UGT1A7: variants seen among roughly 807,000 people sequenced by gnomAD.
The protein encoded by UGT1A7 is UDP glucuronosyltransferase family 1 member A7.
UGT1A7 carries 33 observed loss-of-function variants against 45.6 expected under a neutral mutation model. That is an observed-to-expected ratio of 0.72 (90% CI 0.55 to 0.97). The LOEUF (loss-of-function observed/expected upper bound fraction) is 0.97. Ranked by LOEUF, UGT1A7 falls within the 50% of genes least tolerant of loss-of-function variation. The pLI, the probability that UGT1A7 is intolerant of heterozygous loss-of-function variation, is 0.00. For synonymous variants in UGT1A7, 274 were observed against 250.6 expected (o/e 1.09, Z -0.88); for missense variants, 684 against 666.2 (o/e 1.03, Z -0.29).
At chr2:233,711,093 T>G (rs1463898201) in intron 1 of UGT1A7, among the ~76,000 whole-genome samples, 1 of 152,198 alleles carries the variant, frequency 6.6e-6, no homozygotes, top group African/African-American at 2.4e-5. Context: ...AGTCTATCTG[T>G]GCAGCCCAGA....
chr2:233,693,118 C>G, intron 1 of UGT1A7: 1 of 1,614,176 alleles, frequency 6.2e-7, no homozygotes, highest in Non-Finnish European at 8.5e-7. Context: ...ACGGAAGCCA[C>G]TGGCTTAGTA....
intron 1 of UGT1A7, among the ~76,000 whole-genome samples, chr2:233,746,869 C>T (rs769029902): frequency 3.3e-5 from 5 of 151,744 alleles, no homozygotes; most frequent in African/African-American, 4.9e-5. Flanking sequence ...GCCTGATAAA[C>T]GTGGTTAACA....
At chr2:233,763,733 T>C (rs528064995) in intron 1 of UGT1A7, among the ~76,000 whole-genome samples, 4 of 152,330 alleles carry the variant, frequency 2.6e-5, no homozygotes, top group South Asian at 4.1e-4. Flanking sequence ...CAACCTGGCA[T>C]TGGCGTGTCT....
At chr2:233,751,042 C>T (rs1694623923) in intron 1 of UGT1A7, among the ~76,000 whole-genome samples, 1 of 151,808 alleles carries the variant, frequency 6.6e-6, no homozygotes, top group South Asian at 2.1e-4. Flanking sequence ...CACTGTGTGC[C>T]TGGAAAAGAC....
At chr2:233,725,270 A>AGAGGCAGAG (rs2077418450) in intron 1 of UGT1A7, among the ~76,000 whole-genome samples, 1 of 37,556 alleles carries the variant, frequency 2.7e-5, no homozygotes, top group Non-Finnish European at 5.1e-5. Flanking sequence ...CAGAGGAGGC[A>AGAGGCAGAG]GAGGCAGAGG....
At chr2:233,767,302 A>G (rs951994488) in intron 2 of UGT1A7, 137 bp downstream of exon 2, 1 of 1,534,820 alleles carries the variant, frequency 6.5e-7, no homozygotes, top group African/African-American at 1.4e-5. Context: ...TATTAATCCA[A>G]AGGTTTTTTT....
chr2:233,745,211 C>T (rs1428887927), intron 1 of UGT1A7, among the ~76,000 whole-genome samples: 1 of 151,804 alleles, frequency 6.6e-6, no homozygotes, highest in African/African-American at 2.4e-5. Flanking sequence ...GAGATCCTCT[C>T]AGACAAAAGG....
intron 1 of UGT1A7, among the ~76,000 whole-genome samples, chr2:233,726,499 G>A (rs2077536010): frequency 6.6e-6 from 1 of 151,996 alleles, no homozygotes; most frequent in Non-Finnish European, 1.5e-5. Context: ...TATTAATTTT[G>A]GAATTTCATG....
At chr2:233,695,741 A>G (rs749917184) in intron 1 of UGT1A7, among the ~76,000 whole-genome samples, 6 of 152,186 alleles carry the variant, frequency 3.9e-5, no homozygotes, top group African/African-American at 7.2e-5. Context: ...GTTGCTGCAC[A>G]TGACAGGTCT....
intron 1 of UGT1A7, among the ~76,000 whole-genome samples, chr2:233,757,427 A>G (rs934083320): frequency 5.3e-5 from 8 of 151,486 alleles, no homozygotes; most frequent in South Asian, 2.1e-4. Context: ...AAAGAGAAGA[A>G]AAGTCACTTC....
chr2:233,743,960 G>C (rs745723342), intron 1 of UGT1A7: 11 of 1,334,214 alleles, frequency 8.2e-6, no homozygotes, highest in Non-Finnish European at 1.1e-5. Flanking sequence ...CACAGCGAGC[G>C]GCAAGGCTGC....
At chr2:233,707,033 G>A (rs1432396998) in intron 1 of UGT1A7, among the ~76,000 whole-genome samples, 1 of 152,110 alleles carries the variant, frequency 6.6e-6, no homozygotes, top group Admixed American at 6.5e-5. Context: ...CAGCCCCCAA[G>A]GTAGAGGAAG....
intron 1 of UGT1A7, among the ~76,000 whole-genome samples, chr2:233,710,321 A>G (rs944922303): frequency 1.3e-5 from 2 of 152,202 alleles, no homozygotes; most frequent in African/African-American, 4.8e-5. Context: ...TGTATGTATG[A>G]CTTCATAAGA....
At chr2:233,764,179 C>T (rs1420569842) in intron 1 of UGT1A7, among the ~76,000 whole-genome samples, 1 of 152,170 alleles carries the variant, frequency 6.6e-6, no homozygotes. Flanking sequence ...CAGGGAAATT[C>T]TCTCATTCAG....
rs766039492 is a variant in UGT1A7, at chr2:233,760,243, T to C, written c.856-6791T>C. The C allele has an allele frequency of 1.9e-6, 3 of 1,608,014 alleles. No homozygotes were observed. In the Admixed American group the frequency reaches 5.0e-5, roughly 27 times the overall value. ...TCGATTGGTTTTTGCCATATATATATATATAAGTAGGAGAGGGCGAACCTC... is the reference window on the plus strand; with the variant it reads ...TCGATTGGTTTTTGCCATATATATACATATAAGTAGGAGAGGGCGAACCTC... On this transcript the variant is annotated intron_variant, in intron 1 of 4. Coordinates refer to ENST00000373426, the MANE Select transcript of UGT1A7 (RefSeq NM_019077.3).
intron 1 of UGT1A7, among the ~76,000 whole-genome samples, chr2:233,703,307 C>T (rs560128555): frequency 1.4e-5 from 2 of 148,024 alleles, no homozygotes; most frequent in East Asian, 4.1e-4. Flanking sequence ...TCTTTCATTT[C>T]ATATTTTTAG....
At position 233,769,556 on chromosome 2, in the gene UGT1A7, A is replaced by G. The variant is rs1699895169; in HGVS notation, c.1295+1117A>G. 6.2e-7 allele frequency: 1 copy of G among 1,612,744 alleles called. No individual in the cohort carries two copies. Among genetic ancestry groups the G allele is most frequent in the African/African-American group, 1.3e-5 (1 of 74,934 alleles). On this transcript the variant is annotated intron_variant, in intron 4 of 4. Transcript: ENST00000373426. The surrounding 1 kb of genome is among the most constrained non-coding windows in gnomAD (Gnocchi z 4.4). ...AAAGAAGCAGCAGTCAGGAAGACAG[A>G]TGTGAAGAGCTGGAGCATGTTCAGA...
chr2:233,697,399 A>G (rs890577851), intron 1 of UGT1A7, among the ~76,000 whole-genome samples: 10 of 151,506 alleles, frequency 6.6e-5, no homozygotes, highest in African/African-American at 2.4e-4. Flanking sequence ...GATCCTTTGT[A>G]TTTCTGTGGT....
intron 1 of UGT1A7, among the ~76,000 whole-genome samples, chr2:233,707,029 C>G (rs962121616): frequency 6.6e-6 from 1 of 152,140 alleles, no homozygotes; most frequent in Non-Finnish European, 1.5e-5. Context: ...CAGCCAGCCC[C>G]CAAGGTAGAG....
Sources: gnomAD v4.1 joint callset for allele counts (sites outside exome capture counted in the v4.1 genomes callset) on GRCh38, gnomAD v4.1.1 for gene constraint, Gnocchi (gnomAD v3.1) non-coding constraint, MANE v1.5 for transcripts, NCBI Gene and HGNC (gene_info 2026-07-23, HGNC 2026-07-21) for gene names.